The following EFCAB6 variants were observed in gnomAD, a reference collection of about 807,000 sequenced individuals.
The protein encoded by EFCAB6 is EF-hand calcium-binding domain-containing protein 6.
EFCAB6 carries 156 observed loss-of-function variants against 169.8 expected under a neutral mutation model. The ratio of observed to expected loss-of-function variants is 0.92; its 90% CI spans 0.81 to 1.05. The LOEUF is 1.05. Ranked by LOEUF, EFCAB6 falls within the 50% of genes least tolerant of loss-of-function variation. The pLI, the probability that EFCAB6 is intolerant of heterozygous loss-of-function variation, is 0.00. For synonymous variants in EFCAB6, 698 were observed against 676.4 expected, an observed-to-expected ratio of 1.03 and a Z score of -0.50; for missense variants, 1,800 against 1,829.1, an observed-to-expected ratio of 0.98 and a Z score of 0.29.
At chr22:43,712,653 C>A (rs2059200891) in intron 9 of EFCAB6, among the ~76,000 whole-genome samples, 1 of 152,150 alleles carries the variant, frequency 6.6e-6, no homozygotes, top group African/African-American at 2.4e-5. Flanking sequence ...AGGTGGGCTG[C>A]ATCTGATACA....
intron 20 of EFCAB6, 76 bp downstream of exon 20, chr22:43,626,371 C>A: frequency 7.1e-7 from 1 of 1,399,616 alleles, no homozygotes; most frequent in South Asian, 1.2e-5. Context: ...CCTTTGCGGA[C>A]GCCATGGAAA....
chr22:43,627,638 C>CTTT (rs2054620260), intron 19 of EFCAB6, among the ~76,000 whole-genome samples: 2 of 152,204 alleles, frequency 1.3e-5, no homozygotes, highest in Non-Finnish European at 2.9e-5. Context: ...CTTCCCGGGT[C>CTTT]TCAGGCCTGA....
intron 26 of EFCAB6, among the ~76,000 whole-genome samples, chr22:43,560,578 G>C (rs1162451451): frequency 6.6e-6 from 1 of 152,230 alleles, no homozygotes; most frequent in East Asian, 1.9e-4. Flanking sequence ...AGATGCAACT[G>C]GCTGGGACAT....
At chr22:43,772,607 C>T (rs1168487786) in intron 4 of EFCAB6, among the ~76,000 whole-genome samples, 2 of 146,900 alleles carry the variant, frequency 1.4e-5, no homozygotes, top group African/African-American at 5.1e-5. Context: ...CACCATTGCA[C>T]TCCAGCCTGG....
At position 43,782,283 on chromosome 22, in the gene EFCAB6, C is replaced by A; in HGVS notation, c.36G>T (p.Arg12Ser). ...TAAATTTTCGTGTGTGAGGATGCGA[C>A]CTAAGCCAGTCTGGTATAATCGCCA... ...CKMAIIPDWL[R>S]SHPHTRKFTH... The change falls in exon 3 of 32, where the codon AGG (arginine) becomes AGT (serine). Residue 12 changes from arginine to serine, a missense_variant. Transcript: ENST00000262726. The A allele has an allele frequency of 6.2e-7, 1 of 1,614,054 alleles. No homozygotes were observed. Among genetic ancestry groups the A allele is most frequent in the Non-Finnish European group, 8.5e-7 (1 of 1,179,988 alleles).
At chr22:43,661,339 T>C (rs1263631900) in intron 17 of EFCAB6, among the ~76,000 whole-genome samples, 1 of 152,128 alleles carries the variant, frequency 6.6e-6, no homozygotes, top group East Asian at 1.9e-4. Context: ...ATCGCACCAT[T>C]GCACTCCAGC....
chr22:43,561,954 G>T lies in EFCAB6; in HGVS notation c.3421-6858C>A, dbSNP rs549397384. ...GGAAGAGCAGGGCTGCAGGAAAGGC[G>T]GGGGCTCGGCTGGGCCCGGTCCGTG... On this transcript the variant is annotated intron_variant, in intron 26 of 31. Coordinates refer to ENST00000262726, the MANE Select transcript of EFCAB6 (RefSeq NM_022785.4). Among the ~76,000 whole-genome samples, 10 of 152,266 alleles carry T rather than the reference G, an allele frequency of 6.6e-5. No individual in the cohort carries two copies. In the South Asian group the frequency reaches 1.7e-3, roughly 25 times the overall value.
At chr22:43,808,452 G>A (rs2062994491) in intron 2 of EFCAB6, among the ~76,000 whole-genome samples, 1 of 152,184 alleles carries the variant, frequency 6.6e-6, no homozygotes, top group Non-Finnish European at 1.5e-5. Flanking sequence ...GCAAAACTGT[G>A]TGTGAGATGA....
At chr22:43,675,687 CTAAA>C (rs946554796) in intron 13 of EFCAB6, among the ~76,000 whole-genome samples, 4 of 145,720 alleles carry the variant, frequency 2.7e-5, no homozygotes, top group East Asian at 2.0e-4. Context: ...GAAATAGATA[CTAAA>C]TAATCATAAA....
intron 11 of EFCAB6, among the ~76,000 whole-genome samples, chr22:43,684,844 C>G (rs1298974600): frequency 6.6e-6 from 1 of 152,174 alleles, no homozygotes; most frequent in African/African-American, 2.4e-5. Context: ...GGCTGGAGAG[C>G]TCTTTGCTGT....
intron 2 of EFCAB6, among the ~76,000 whole-genome samples, chr22:43,805,341 A>G (rs1237765096): frequency 6.6e-6 from 1 of 152,250 alleles, no homozygotes; most frequent in African/African-American, 2.4e-5. Context: ...TACCCAATAG[A>G]ATATTATCCA....
At chr22:43,636,026 T>G (rs2055365101) in intron 17 of EFCAB6, among the ~76,000 whole-genome samples, 1 of 152,162 alleles carries the variant, frequency 6.6e-6, no homozygotes, top group African/African-American at 2.4e-5. Flanking sequence ...TCTCAGAGTA[T>G]TCACAATCCA....
At chr22:43,556,793 G>A (rs1260414057) in intron 26 of EFCAB6, among the ~76,000 whole-genome samples, 3 of 152,170 alleles carry the variant, frequency 2.0e-5, no homozygotes, top group African/African-American at 7.2e-5. Flanking sequence ...ACCATGCAAA[G>A]GCTAACGGAG....
intron 24 of EFCAB6, among the ~76,000 whole-genome samples, chr22:43,581,589 C>T (rs2050730788): frequency 6.6e-6 from 1 of 152,226 alleles, no homozygotes; most frequent in South Asian, 2.1e-4. Flanking sequence ...GTTCACATTT[C>T]TACAACTTAA....
chr22:43,687,096 C>T (rs948227440), intron 11 of EFCAB6, among the ~76,000 whole-genome samples: 1 of 152,204 alleles, frequency 6.6e-6, no homozygotes, highest in Non-Finnish European at 1.5e-5. Flanking sequence ...AACAAATACA[C>T]GTTTACCTAC....
intron 20 of EFCAB6, among the ~76,000 whole-genome samples, chr22:43,624,263 G>A (rs1038297536): frequency 2.0e-5 from 3 of 152,156 alleles, no homozygotes; most frequent in African/African-American, 7.2e-5. Context: ...AGACCCCGGG[G>A]ACCAAGTCAG....
rs1219517864 is a variant in EFCAB6 at position 43,678,075 on chromosome 22, A to C, written c.1340T>G (p.Leu447Arg). 6.2e-7 allele frequency: 1 copy of C among 1,613,888 alleles called. No individual in the cohort carries two copies. The highest frequency in any genetic ancestry group is 8.5e-7 in the Non-Finnish European group (1 of 1,179,952). The part of the protein sequence containing the change: ...VKLSDSEFKE[L>R]MQMLDPGDTG... ...GTCCCCAGGGTCAAGCATTTGCATTAGTTCTTTGAATTCTGAATCGCTTAG... is the reference window on the plus strand; with the variant it reads ...GTCCCCAGGGTCAAGCATTTGCATTCGTTCTTTGAATTCTGAATCGCTTAG... Residue 447 changes from leucine to arginine, a missense_variant, in exon 13 of 32, where the codon CTA becomes CGA. Leu to Arg is a moderately radical substitution (Grantham distance 102). Transcript: ENST00000262726.
intron 5 of EFCAB6, among the ~76,000 whole-genome samples, chr22:43,763,575 C>G (rs1020006256): frequency 3.3e-5 from 5 of 152,106 alleles, no homozygotes; most frequent in Non-Finnish European, 7.4e-5. Context: ...AGCCATGATA[C>G]CAGAATTTTC....
chr22:43,769,030 G>A (rs1053111152), intron 4 of EFCAB6, among the ~76,000 whole-genome samples: 1 of 152,120 alleles, frequency 6.6e-6, no homozygotes, highest in Non-Finnish European at 1.5e-5. Context: ...ATGTTCACAC[G>A]AAAACCTTTC....
Sources: gnomAD v4.1 joint callset for allele counts (sites outside exome capture counted in the v4.1 genomes callset) on GRCh38, gnomAD v4.1.1 for gene constraint, MANE v1.5 for transcripts, NCBI Gene and HGNC (gene_info 2026-07-23, HGNC 2026-07-21) for gene names.